The following PWP1 variants were observed in gnomAD, a reference collection of about 807,000 sequenced individuals.
PWP1 encodes PWP1 homolog, endonuclein.
Under a neutral mutation model 69.9 loss-of-function variants are expected in PWP1, and 47 were observed. The observed-to-expected ratio is 0.67, with a 90% CI of 0.53 to 0.86. PWP1 has a LOEUF of 0.86. Ranked by LOEUF, PWP1 falls within the 40% of genes least tolerant of loss-of-function variation. The pLI is 0.00. For synonymous variants in PWP1, 222 were observed against 208.2 expected (o/e 1.07, Z -0.57); for missense variants, 551 against 608.8 (o/e 0.91, Z 1.00).
chr12:107,693,003 C>G lies in PWP1; in HGVS notation c.409C>G (p.Gln137Glu), dbSNP rs762364041. Residue 137 changes from glutamine (Q) to glutamate (E), a missense_variant, in exon 5 of 15, where the codon CAA becomes GAA. Transcript: ENST00000412830. ...ACATTTTTTTCCTCTCACTTAGGAA[C>G]AATATGAACGTGAAGATTTCTTGAT... ...DPYVTLKDTE[Q>E]YEREDFLIKP... 6.2e-6 allele frequency: 10 copies of G among 1,613,964 alleles called. No individual in the cohort carries two copies. The African/African-American group carries it at 1.3e-4, about 22-fold the overall frequency.
chr12:107,708,470 C>T (rs907119083), intron 11 of PWP1, among the ~76,000 whole-genome samples: 3 of 152,164 alleles, frequency 2.0e-5, no homozygotes, highest in African/African-American at 7.2e-5. Context: ...TCTAATCTGC[C>T]TTTCATTCCT....
chr12:107,696,180 G>A (rs566132056), intron 5 of PWP1, among the ~76,000 whole-genome samples: 9 of 151,744 alleles, frequency 5.9e-5, no homozygotes, highest in Non-Finnish European at 1.2e-4. Context: ...CTACAGGCAC[G>A]TACCACCACA....
chr12:107,710,585 A>G, intron 14 of PWP1, 75 bp downstream of exon 14: 1 of 1,435,518 alleles, frequency 7.0e-7, no homozygotes, highest in Non-Finnish European at 9.2e-7. Flanking sequence ...ACAGGGTCTC[A>G]CCATGTTGCC....
intron 3 of PWP1, among the ~76,000 whole-genome samples, chr12:107,690,378 T>TA (rs572653182): frequency 1.3e-4 from 20 of 152,132 alleles, no homozygotes; most frequent in Non-Finnish European, 1.8e-4. Context: ...GTCTAAATAA[T>TA]AAAAAAGTTT....
intron 9 of PWP1, 49 bp downstream of exon 9, chr12:107,703,080 T>TA: frequency 7.5e-7 from 1 of 1,325,446 alleles, no homozygotes; most frequent in Admixed American, 1.8e-5. Context: ...CGGACACAAA[T>TA]ATTGGCTAAA....
intron 9 of PWP1, 134 bp from the exon 10 acceptor site, chr12:107,703,551 T>C (rs1889754870): frequency 1.3e-6 from 1 of 752,400 alleles, no homozygotes; most frequent in Admixed American, 2.2e-5. Context: ...AGTACATTTA[T>C]GTTTCTTTTG....
At position 107,686,064 on chromosome 12, in the gene PWP1, C is replaced by A; in HGVS notation, c.72+93C>A. 2.8e-6 allele frequency: 4 copies of A among 1,409,126 alleles called. No individual in the cohort carries two copies. The South Asian group carries it at 4.7e-5, about 16-fold the overall frequency. The allele number at this position is 1,409,126 out of a possible 1,614,324, so 87.3% of individuals were successfully genotyped here. A position where few individuals can be genotyped will look rare whatever the true frequency, so the allele number is the denominator to read the frequency against. On this transcript the variant is annotated intron_variant, in intron 1 of 14. Transcript: ENST00000412830. ...GGGAACGTGGACCCGGAACTCGGGGCGTTGGCTGGTGCGACTGGCTGGGGT... is the reference window on the plus strand; with the variant it reads ...GGGAACGTGGACCCGGAACTCGGGGAGTTGGCTGGTGCGACTGGCTGGGGT...
intron 6 of PWP1, among the ~76,000 whole-genome samples, 173 bp downstream of exon 6, chr12:107,696,757 G>A (rs1483998168): frequency 6.6e-6 from 1 of 152,030 alleles, no homozygotes; most frequent in Non-Finnish European, 1.5e-5. Context: ...TTATTGTTTG[G>A]GGTTCATAAA....
rs775177655 is a variant in PWP1, at chr12:107,712,060, T to C, written c.1397-51T>C. ...TGCATTTTAGTGTCTTTTTATATTCTGACTTAATTTCCTGATCTGTTAGTT... is the reference window on the plus strand; with the variant it reads ...TGCATTTTAGTGTCTTTTTATATTCCGACTTAATTTCCTGATCTGTTAGTT... On this transcript the variant is annotated intron_variant, in intron 14 of 14. Transcript: ENST00000412830. The C allele has an allele frequency of 3.4e-6, 5 of 1,472,912 alleles. No homozygotes were observed. The East Asian group carries it at 1.1e-4, about 33-fold the overall frequency. The allele number at this position is 1,472,912 out of a possible 1,614,324, so 91.2% of individuals were successfully genotyped here.
chr12:107,704,675 C>T lies in PWP1; in HGVS notation c.1005C>T (p.Ser335=), dbSNP rs369817857. 1.2e-6 allele frequency: 2 copies of T among 1,613,962 alleles called. No individual in the cohort carries two copies. The highest frequency in any genetic ancestry group is 1.7e-6 in the Non-Finnish European group (2 of 1,179,906). Reference sequence around the variant, plus strand: ...ATGACTGCCGAAGTCCAGATGAAAGCCATCGAATGTGGCGATTCAGTGGGC... The same window carrying T: ...ATGACTGCCGAAGTCCAGATGAAAGTCATCGAATGTGGCGATTCAGTGGGC... ...ALYDCRSPDE[S]HRMWRFSGQI... is the part of the protein sequence containing the mutation. Residue 335 remains serine (S), a synonymous_variant, in exon 11 of 15, where the codon AGC becomes AGT. Transcript: ENST00000412830.
intron 5 of PWP1, among the ~76,000 whole-genome samples, chr12:107,696,241 C>T (rs1889585416): frequency 1.3e-5 from 2 of 151,984 alleles, no homozygotes; most frequent in African/African-American, 2.4e-5. Context: ...TTGTGTTGGC[C>T]AGGCTGGTCT....
Position 107,705,252 on chromosome 12 carries a change from A to G in PWP1, c.1077+505A>G, listed in dbSNP as rs548330691. Among the ~76,000 whole-genome samples, 204 of 152,252 alleles carry G rather than the reference A, an allele frequency of 1.3e-3. 3 individuals are homozygous for G. Among genetic ancestry groups the G allele is most frequent in the Non-Finnish European group, 7.2e-4 (49 of 68,018 alleles). ...TTTCCACATAGCATCCAAAGATTCC[A>G]CTGACATTTCAGTACATGTAAAAAG... is the stretch of plus-strand genomic sequence containing the variant. On this transcript the variant is annotated intron_variant, in intron 11 of 14. Coordinates refer to ENST00000412830, the MANE Select transcript of PWP1 (RefSeq NM_007062.3).
intron 8 of PWP1, among the ~76,000 whole-genome samples, chr12:107,702,147 T>A (rs1889724620): frequency 6.6e-6 from 1 of 152,218 alleles, no homozygotes; most frequent in African/African-American, 2.4e-5. Flanking sequence ...TCAGTAAGTT[T>A]TGATGCCAGG....
At chr12:107,701,650 A>G (rs1889713388) in intron 8 of PWP1, among the ~76,000 whole-genome samples, 1 of 151,398 alleles carries the variant, frequency 6.6e-6, no homozygotes, top group Non-Finnish European at 1.5e-5. Context: ...ATTCTTTTTC[A>G]TGAGGATGAT....
chr12:107,690,811 C>T (rs1208317261), intron 3 of PWP1, among the ~76,000 whole-genome samples: 1 of 152,044 alleles, frequency 6.6e-6, no homozygotes, highest in African/African-American at 2.4e-5. Context: ...GTTCGTGATG[C>T]CCTCTCCACT....
At chr12:107,702,807 A>C in intron 8 of PWP1, 128 bp from the exon 9 acceptor site, 1 of 656,158 alleles carries the variant, frequency 1.5e-6, no homozygotes, top group Non-Finnish European at 2.7e-6. Context: ...TAAGTCTTAC[A>C]TTTCTTTTGT....
intron 14 of PWP1, among the ~76,000 whole-genome samples, chr12:107,711,333 G>A (rs906815512): frequency 8.5e-5 from 13 of 152,152 alleles, no homozygotes; most frequent in African/African-American, 3.1e-4. Context: ...CAGCTTGGGC[G>A]TTAGGGCCAT....
chr12:107,704,563 A>T, intron 10 of PWP1, 73 bp from the exon 11 acceptor site: 1 of 989,740 alleles, frequency 1.0e-6, no homozygotes, highest in Non-Finnish European at 1.6e-6. Flanking sequence ...CTATTTTATT[A>T]CTATTTCATT....
intron 6 of PWP1, among the ~76,000 whole-genome samples, chr12:107,697,054 G>A (rs1889603221): frequency 6.6e-6 from 1 of 152,080 alleles, no homozygotes; most frequent in African/African-American, 2.4e-5. Context: ...TTTTAATAAA[G>A]GTAAACACTG....
Sources: allele counts gnomAD v4.1 joint callset (sites outside exome capture counted in the v4.1 genomes callset), GRCh38; gene constraint gnomAD v4.1.1; transcripts MANE v1.5; gene names NCBI Gene and HGNC (gene_info 2026-07-23, HGNC 2026-07-21).